ST3GAL2: variants seen among roughly 807,000 people sequenced by gnomAD.
ST3GAL2 encodes CMP-N-acetylneuraminate-beta-galactosamide-alpha-2,3-sialyltransferase 2.
ST3GAL2 carries 16 observed loss-of-function variants against 37.5 expected under a neutral mutation model. The observed-to-expected ratio is 0.43, with a 90% CI of 0.29 to 0.65. The LOEUF (loss-of-function observed/expected upper bound fraction) is 0.65. Ranked by LOEUF, ST3GAL2 falls within the 30% of genes least tolerant of loss-of-function variation. The probability of loss-of-function intolerance (pLI) is 0.17; values close to 1 mark genes in which losing one functional copy is unlikely to be tolerated. For synonymous variants in ST3GAL2, 238 were observed against 202.9 expected, an observed-to-expected ratio of 1.17 and a Z score of -1.47; for missense variants, 383 against 487.8, an observed-to-expected ratio of 0.79 and a Z score of 2.02.
intron 1 of ST3GAL2, among the ~76,000 whole-genome samples, chr16:70,428,187 C>T (rs1443036286): frequency 6.6e-6 from 1 of 152,220 alleles, no homozygotes; most frequent in Non-Finnish European, 1.5e-5. Flanking sequence ...CTCAGTCTTG[C>T]CAGGTTTGTC....
At chr16:70,412,880 C>A (rs1274309465) in intron 1 of ST3GAL2, among the ~76,000 whole-genome samples, 1 of 151,842 alleles carries the variant, frequency 6.6e-6, no homozygotes, top group Non-Finnish European at 1.5e-5. Context: ...AACCGCGTCT[C>A]TATAATAAAA....
intron 4 of ST3GAL2, among the ~76,000 whole-genome samples, chr16:70,385,765 G>A (rs1357672662): frequency 2.8e-5 from 4 of 145,230 alleles, no homozygotes; most frequent in African/African-American, 2.6e-5. Flanking sequence ...GTGCAGTGGC[G>A]CGATCTGAGC....
intron 1 of ST3GAL2, among the ~76,000 whole-genome samples, chr16:70,434,461 C>A (rs1261226093): frequency 6.6e-6 from 1 of 152,010 alleles, no homozygotes; most frequent in Non-Finnish European, 1.5e-5. Flanking sequence ...AAAATTCAGA[C>A]TTTTGGGGGC....
intron 1 of ST3GAL2, among the ~76,000 whole-genome samples, chr16:70,434,789 G>T (rs1470075750): frequency 6.6e-6 from 1 of 152,206 alleles, no homozygotes; most frequent in African/African-American, 2.4e-5. Context: ...CCACTCCGTT[G>T]GCACTGGAAT....
intron 2 of ST3GAL2, among the ~76,000 whole-genome samples, chr16:70,396,278 G>A (rs1369652307): frequency 7.1e-6 from 1 of 140,122 alleles, no homozygotes; most frequent in African/African-American, 2.6e-5. Context: ...TTTACTCAAA[G>A]TGCTGGAATT....
intron 1 of ST3GAL2, among the ~76,000 whole-genome samples, chr16:70,437,497 GC>G (rs1162461239): frequency 2.7e-5 from 3 of 110,236 alleles, no homozygotes; most frequent in African/African-American, 3.7e-5. Context: ...ATCCCCCTCT[GC>G]CCCCCCCGCA....
chr16:70,433,213 G>A (rs72790697), intron 1 of ST3GAL2, among the ~76,000 whole-genome samples: 2,454 of 152,158 alleles, frequency 0.016, 25 homozygotes, highest in Non-Finnish European at 0.026. Context: ...TCTAGACTCC[G>A]TCCCCTCTTT....
chr16:70,384,295 C>T (rs2047426520), intron 4 of ST3GAL2, among the ~76,000 whole-genome samples: 1 of 152,102 alleles, frequency 6.6e-6, no homozygotes, highest in African/African-American at 2.4e-5. Context: ...AAAAAAAACA[C>T]AGGAAATTCT....
chr16:70,390,952 G>A (rs959903936), intron 3 of ST3GAL2, among the ~76,000 whole-genome samples: 15 of 152,244 alleles, frequency 9.9e-5, no homozygotes, highest in Admixed American at 2.0e-4. Context: ...CAGGGTGACC[G>A]TAACCTGGCC....
intron 3 of ST3GAL2, among the ~76,000 whole-genome samples, chr16:70,389,075 CAA>C (rs77375368): frequency 5.3e-4 from 28 of 53,262 alleles, no homozygotes; most frequent in Admixed American, 9.0e-4. Flanking sequence ...CTCTTGTCTC[CAA>C]AAAAAAAAAA....
At chr16:70,397,442 G>C (rs2047524647) in intron 2 of ST3GAL2, among the ~76,000 whole-genome samples, 1 of 151,796 alleles carries the variant, frequency 6.6e-6, no homozygotes, top group Non-Finnish European at 1.5e-5. Context: ...CAATTATTTT[G>C]GCTGGGCATG....
rs1024321444 is a variant in ST3GAL2, at chr16:70,419,858, A to G, written c.-1004+19091T>C. Among the ~76,000 whole-genome samples, 4 of 152,036 alleles carry G rather than the reference A, an allele frequency of 2.6e-5. No homozygotes were observed. In the East Asian group the frequency reaches 7.7e-4, roughly 29 times the overall value. The stretch of plus-strand genomic sequence containing the variant: ...GTCCTCCTGCCCAGCCAAGCTACCA[A>G]GGTGGGGTGTCCGCCAGAACCACTG... On this transcript the variant is annotated intron_variant, in intron 1 of 6. Transcript: ENST00000342907.
chr16:70,429,248 C>A (rs983701731), intron 1 of ST3GAL2, among the ~76,000 whole-genome samples: 4 of 152,156 alleles, frequency 2.6e-5, no homozygotes, highest in Non-Finnish European at 5.9e-5. Flanking sequence ...ACTACCTCCC[C>A]ACTCAGGCTG....
At chr16:70,431,694 T>A (rs1188412232) in intron 1 of ST3GAL2, among the ~76,000 whole-genome samples, 1 of 149,546 alleles carries the variant, frequency 6.7e-6, no homozygotes, top group Non-Finnish European at 1.5e-5. Context: ...CCAGGTGCAG[T>A]GGCTCACCTC....
In ST3GAL2 at chr16:70,384,866, G is replaced by A. The variant is rs138427380; in HGVS notation, c.714-1631C>T. Among the ~76,000 whole-genome samples, 995 of 151,742 alleles carry A rather than the reference G, an allele frequency of 6.6e-3. 6 individuals are homozygous for A. Among genetic ancestry groups the A allele is most frequent in the Non-Finnish European group, 0.01 (701 of 67,970 alleles). On this transcript the variant is annotated intron_variant, in intron 4 of 6. Coordinates refer to ENST00000342907, the MANE Select transcript of ST3GAL2 (RefSeq NM_006927.4). ...TGTACTAAAAATACAAAAATTAGCC[G>A]GGTATGGTGGCCCATGCCTGTAGTC...
intron 1 of ST3GAL2, among the ~76,000 whole-genome samples, chr16:70,426,789 C>T (rs371574562): frequency 7.7e-4 from 118 of 152,266 alleles, no homozygotes; most frequent in Middle Eastern, 6.8e-3. Context: ...GAATTATAGG[C>T]GTGAGCCACC....
At chr16:70,431,408 T>C (rs575910229) in intron 1 of ST3GAL2, among the ~76,000 whole-genome samples, 6 of 152,338 alleles carry the variant, frequency 3.9e-5, no homozygotes, top group Non-Finnish European at 7.3e-5. Context: ...CCTTGGGTCA[T>C]GCCGCAACAC....
chr16:70,383,828 G>A (rs2047423354), intron 4 of ST3GAL2, among the ~76,000 whole-genome samples: 1 of 150,918 alleles, frequency 6.6e-6, no homozygotes, highest in Non-Finnish European at 1.5e-5. Flanking sequence ...AGCCTTCAAC[G>A]GTCCCCATGG....
chr16:70,421,494 A>G (rs955350122), intron 1 of ST3GAL2, among the ~76,000 whole-genome samples: 1 of 152,146 alleles, frequency 6.6e-6, no homozygotes, highest in African/African-American at 2.4e-5. Context: ...GCCATGTACT[A>G]CTGTTGTCAA....
Sources: gnomAD v4.1 joint callset for allele counts (sites outside exome capture counted in the v4.1 genomes callset) on GRCh38, gnomAD v4.1.1 for gene constraint, MANE v1.5 for transcripts, NCBI Gene and HGNC (gene_info 2026-07-23, HGNC 2026-07-21) for gene names.